Variants in KIF13A observed in about 807,000 individuals in gnomAD.
KIF13A encodes kinesin-like protein KIF13A.
KIF13A carries 79 observed loss-of-function variants against 212.2 expected under a neutral mutation model. The observed-to-expected ratio is 0.37, with a 90% CI of 0.31 to 0.45. KIF13A has a LOEUF of 0.45. Among genes scored for constraint, KIF13A ranks in the 20% least tolerant of loss-of-function variants. The pLI is 1.00. For missense variants in KIF13A, 1,901 were observed against 2,209.0 expected (o/e 0.86, Z 2.79); for synonymous variants, 789 against 808.6 (o/e 0.98, Z 0.41).
chr6:17,963,146 G>A lies in KIF13A; in HGVS notation c.146+23908C>T, dbSNP rs1000393408. On this transcript the variant is annotated intron_variant, in intron 2 of 38. Transcript: ENST00000259711. The surrounding 1 kb of genome is among the most constrained non-coding windows in gnomAD (Gnocchi z 4.1). ...GAGTGTCATGTGAAAGGCTGGGTGC[G>A]GTGGCTCATGCCTGTAATCCCAGCA... 2.6e-5 allele frequency among the ~76,000 whole-genome samples: 4 copies of A among 152,232 alleles called. No homozygotes were observed. The highest frequency in any genetic ancestry group is 9.6e-5 in the African/African-American group (4 of 41,464).
chr6:17,795,178 T>C (rs1761924440), intron 23 of KIF13A: 1 of 154,844 alleles, frequency 6.5e-6, no homozygotes, highest in African/African-American at 2.4e-5. Flanking sequence ...TTTTTCTTTT[T>C]TAATGCAGAG....
At position 17,826,981 on chromosome 6, in the gene KIF13A, G is replaced by C. The variant is rs551029137; in HGVS notation, c.1533-857C>G. ...GGGAGGCGAGGCAGGAGGTTTGCTT[G>C]AACCTGGAAGGCAGAGGTTGCAGTG... On this transcript the variant is annotated intron_variant, in intron 14 of 38. Coordinates refer to ENST00000259711, the MANE Select transcript of KIF13A (RefSeq NM_022113.6). This position sits in a 1 kb window ranked among gnomAD's most constrained non-coding sequence, Gnocchi z 4.7. 1.2e-4 allele frequency among the ~76,000 whole-genome samples: 18 copies of C among 151,604 alleles called. No homozygotes were observed. The highest frequency in any genetic ancestry group is 1.8e-4 in the Non-Finnish European group (12 of 67,968).
intron 30 of KIF13A, 129 bp downstream of exon 30, chr6:17,781,048 C>T: frequency 7.2e-7 from 1 of 1,383,730 alleles, no homozygotes. Flanking sequence ...TAAACAGCAA[C>T]ACAAATGTTC....
Position 17,783,627 on chromosome 6 carries a change from A to G in KIF13A, c.3544+19T>C. The stretch of plus-strand genomic sequence containing the variant: ...TTAGTTAAATACAATAATCCCTGTG[A>G]CTTTAAGTGTCTACTTACCATTCAA... On this transcript the variant is annotated intron_variant, in intron 29 of 38. Transcript: ENST00000259711. This position sits in a 1 kb window ranked among gnomAD's most constrained non-coding sequence, Gnocchi z 4.3. The G allele has an allele frequency of 6.7e-7, 1 of 1,500,328 alleles. No individual in the cohort carries two copies. The highest frequency in any genetic ancestry group is 9.2e-7 in the Non-Finnish European group (1 of 1,092,454). 92.9% of individuals were successfully genotyped at this position (1,500,328 alleles called of 1,614,324 possible).
chr6:17,937,891 G>A (rs1776616054), intron 2 of KIF13A, among the ~76,000 whole-genome samples: 1 of 152,082 alleles, frequency 6.6e-6, no homozygotes, highest in African/African-American at 2.4e-5. Flanking sequence ...TGGGGCCACA[G>A]GCGTGCAACA....
chr6:17,869,972 C>T (rs1401943705), intron 4 of KIF13A, among the ~76,000 whole-genome samples: 1 of 152,144 alleles, frequency 6.6e-6, no homozygotes, highest in Non-Finnish European at 1.5e-5. Flanking sequence ...ATAATGAATG[C>T]TTCTATCTTA....
At chr6:17,894,774 T>C (rs947878512) in intron 3 of KIF13A, among the ~76,000 whole-genome samples, 1 of 152,224 alleles carries the variant, frequency 6.6e-6, no homozygotes, top group Admixed American at 6.5e-5. Context: ...TATCTGCCAT[T>C]ACAGTATCAC....
Position 17,804,502 on chromosome 6 carries a change from T to C in KIF13A, c.2313A>G (p.Arg771=), listed in dbSNP as rs780436653. 1 of 1,594,922 alleles carries C rather than the reference T, an allele frequency of 6.3e-7. No homozygotes were observed. The highest frequency in any genetic ancestry group is 1.1e-5 in the South Asian group (1 of 87,798). The change falls in exon 20 of 39, where the codon AGA becomes AGG. Residue 771 remains arginine (R), a synonymous_variant. Coordinates refer to ENST00000259711, the MANE Select transcript of KIF13A (RefSeq NM_022113.6). ...EWKEKVPEAK[R]LYGKRGDPFY... ...AAGGGTCACCTCGTTTTCCGTAGAG[T>C]CTCTTTGCCTGAGAAGTAGGAGGGG...
In KIF13A at chr6:17,987,402, T is replaced by C; in HGVS notation, c.55+7A>G. On this transcript the variant is annotated splice_region_variant and intron_variant, in intron 1 of 38. Transcript: ENST00000259711. The surrounding 1 kb of genome is among the most constrained non-coding windows in gnomAD (Gnocchi z 7.7). ...GCAGAAATAAAAAAGAGCGGAAAGC[T>C]CCTCACCTCGTCGGTTCATGGGCCG... 2 of 1,369,960 alleles carry C rather than the reference T, an allele frequency of 1.5e-6. No individual in the cohort carries two copies. The highest frequency in any genetic ancestry group is 2.1e-5 in the Admixed American group (1 of 46,558). The allele number at this position is 1,369,960 out of a possible 1,614,324, so 84.9% of individuals were successfully genotyped here.
chr6:17,920,305 C>G (rs1439668191), intron 2 of KIF13A, among the ~76,000 whole-genome samples: 1 of 152,138 alleles, frequency 6.6e-6, no homozygotes, highest in African/African-American at 2.4e-5. Flanking sequence ...ACTTCTCCCC[C>G]ACTTACCAAA....
intron 2 of KIF13A, among the ~76,000 whole-genome samples, chr6:17,929,736 G>A (rs905673351): frequency 2.6e-5 from 4 of 152,092 alleles, no homozygotes; most frequent in African/African-American, 9.7e-5. Context: ...GGAAGACAGG[G>A]TCTCACTATG....
intron 3 of KIF13A, among the ~76,000 whole-genome samples, chr6:17,893,551 C>T (rs1772258118): frequency 6.6e-6 from 1 of 152,124 alleles, no homozygotes; most frequent in Non-Finnish European, 1.5e-5. Context: ...TTGCTACTTC[C>T]TTTCCATCTT....
chr6:17,957,099 C>T (rs143260562), intron 2 of KIF13A, among the ~76,000 whole-genome samples: 2,939 of 152,290 alleles, frequency 0.019, 43 homozygotes, highest in Non-Finnish European at 0.031. Flanking sequence ...CCAGGCTGGT[C>T]TCGAACTCCT....
At chr6:17,847,845 C>T (rs1391107559) in intron 9 of KIF13A, among the ~76,000 whole-genome samples, 2 of 152,050 alleles carry the variant, frequency 1.3e-5, no homozygotes, top group Non-Finnish European at 2.9e-5. Context: ...GAGTTTCACT[C>T]TTGTTGCCCA....
rs1052964701 is a variant in KIF13A, at chr6:17,888,468, T to G, written c.159+9700A>C. Among the ~76,000 whole-genome samples, 4 of 152,212 alleles carry G rather than the reference T, an allele frequency of 2.6e-5. No individual in the cohort carries two copies. Among genetic ancestry groups the G allele is most frequent in the Admixed American group, 2.6e-4 (4 of 15,280 alleles). On this transcript the variant is annotated intron_variant, in intron 3 of 38. Transcript: ENST00000259711. This position sits in a 1 kb window ranked among gnomAD's most constrained non-coding sequence, Gnocchi z 4.8. The stretch of plus-strand genomic sequence containing the variant: ...CCATGGGTTTGATCTGAAACAGAGC[T>G]GTCCCATAGAAATATAATGCTAGCC...
chr6:17,794,849 T>G lies in KIF13A; in HGVS notation c.2943-145A>C, dbSNP rs1761894492. ...TATAAGTTACTTCCTTATTTAACTC[T>G]CAAAACCAACCTGTCATATTGTTTC... On this transcript the variant is annotated intron_variant, in intron 23 of 38. Coordinates refer to ENST00000259711, the MANE Select transcript of KIF13A (RefSeq NM_022113.6). This position sits in a 1 kb window ranked among gnomAD's most constrained non-coding sequence, Gnocchi z 4.1. The G allele has an allele frequency of 1.3e-6, 1 of 752,790 alleles. No homozygotes were observed. The highest frequency in any genetic ancestry group is 2.2e-5 in the South Asian group (1 of 46,182). The allele number at this position is 752,790 out of a possible 1,614,324, so 46.6% of individuals were successfully genotyped here.
intron 2 of KIF13A, among the ~76,000 whole-genome samples, chr6:17,960,006 G>A (rs1271761632): frequency 6.7e-6 from 1 of 149,296 alleles, no homozygotes; most frequent in Non-Finnish European, 1.5e-5. Flanking sequence ...TGGGCAATAA[G>A]AGCAAAACTC....
At chr6:17,976,332 G>A (rs966643937) in intron 2 of KIF13A, among the ~76,000 whole-genome samples, 3 of 152,234 alleles carry the variant, frequency 2.0e-5, no homozygotes, top group Non-Finnish European at 2.9e-5. Flanking sequence ...GCCCTGCCCC[G>A]CTGTAAGGCA....
chr6:17,867,730 T>C (rs912342317), intron 4 of KIF13A, among the ~76,000 whole-genome samples: 4 of 152,252 alleles, frequency 2.6e-5, no homozygotes, highest in African/African-American at 9.6e-5. Flanking sequence ...TACAATATGC[T>C]AGAACAAATT....
Sources: allele counts gnomAD v4.1 joint callset (sites outside exome capture counted in the v4.1 genomes callset), GRCh38; gene constraint gnomAD v4.1.1; non-coding constraint Gnocchi (gnomAD v3.1); transcripts MANE v1.5; gene names NCBI Gene and HGNC (gene_info 2026-07-23, HGNC 2026-07-21).